The following FER variants were observed in gnomAD, a reference collection of about 807,000 sequenced individuals.
The protein encoded by FER is FER tyrosine kinase.
Under a neutral mutation model 111.0 loss-of-function variants are expected in FER, and 63 were observed. That is an observed-to-expected ratio of 0.57 (90% CI 0.46 to 0.70). FER has a LOEUF of 0.70. Ranked by LOEUF, FER falls within the 30% of genes least tolerant of loss-of-function variation. FER has a pLI of 0.00. For synonymous variants in FER, 327 were observed against 313.9 expected (o/e 1.04, Z -0.44); for missense variants, 914 against 954.0 (o/e 0.96, Z 0.55).
chr5:108,886,669 A>G (rs1311019160), intron 9 of FER, among the ~76,000 whole-genome samples: 3 of 151,608 alleles, frequency 2.0e-5, no homozygotes, highest in South Asian at 2.1e-4. Flanking sequence ...TTATGATTTT[A>G]ACAGCATTCT....
chr5:109,030,444 T>C (rs1226242750), intron 13 of FER, among the ~76,000 whole-genome samples: 1 of 152,222 alleles, frequency 6.6e-6, no homozygotes, highest in African/African-American at 2.4e-5. Flanking sequence ...TCTTTCATTT[T>C]TGCAGGTAGT....
At chr5:108,858,049 T>C (rs186844478) in intron 5 of FER, among the ~76,000 whole-genome samples, 1 of 152,182 alleles carries the variant, frequency 6.6e-6, no homozygotes, top group East Asian at 1.9e-4. Flanking sequence ...TTATTCTAGG[T>C]CCTGTTAATT....
At chr5:109,031,625 C>T (rs1262315681) in intron 13 of FER, among the ~76,000 whole-genome samples, 1 of 152,168 alleles carries the variant, frequency 6.6e-6, no homozygotes, top group Admixed American at 6.6e-5. Context: ...TTTCACTGAA[C>T]ATTACTCCCC....
chr5:109,128,046 A>G (rs149559710), intron 17 of FER, among the ~76,000 whole-genome samples: 1 of 152,186 alleles, frequency 6.6e-6, no homozygotes, highest in Admixed American at 6.5e-5. Flanking sequence ...CAGAAATTTT[A>G]TAAGTCTTTG....
chr5:109,051,278 A>G, intron 16 of FER: 1 of 1,347,988 alleles, frequency 7.4e-7, no homozygotes. Flanking sequence ...CTTCTCCACA[A>G]GTGAGAGGAA....
chr5:109,124,973 G>A (rs930561853), intron 17 of FER, among the ~76,000 whole-genome samples: 5 of 149,656 alleles, frequency 3.3e-5, no homozygotes, highest in Admixed American at 6.7e-5. Context: ...GTGAACCCAG[G>A]AGGCAGAGCT....
intron 10 of FER, among the ~76,000 whole-genome samples, chr5:108,910,981 C>A (rs1751468279): frequency 6.6e-6 from 1 of 151,554 alleles, no homozygotes; most frequent in Admixed American, 6.6e-5. Context: ...GATATAATAC[C>A]CAGTAGTGGG....
chr5:108,929,036 A>G (rs1344826155), intron 10 of FER, among the ~76,000 whole-genome samples: 1 of 152,146 alleles, frequency 6.6e-6, no homozygotes, highest in Non-Finnish European at 1.5e-5. Context: ...CATTGAATAT[A>G]TGATAAAAAT....
chr5:108,838,613 A>G (rs1472430561), intron 5 of FER, among the ~76,000 whole-genome samples: 1 of 152,196 alleles, frequency 6.6e-6, no homozygotes, highest in African/African-American at 2.4e-5. Flanking sequence ...CCCCTGCTGT[A>G]TAAATTAAAC....
At chr5:109,051,841 G>GT in intron 16 of FER, 1 of 1,595,626 alleles carries the variant, frequency 6.3e-7, no homozygotes, top group Non-Finnish European at 8.6e-7. Flanking sequence ...GATGAAGATG[G>GT]TTTTCTCCAT....
At chr5:109,094,958 G>A (rs1187515328) in intron 16 of FER, among the ~76,000 whole-genome samples, 1 of 152,106 alleles carries the variant, frequency 6.6e-6, no homozygotes, top group African/African-American at 2.4e-5. Context: ...ATCATGTCTG[G>A]CAAGAGTATA....
At chr5:108,915,864 G>A (rs1190765566) in intron 10 of FER, among the ~76,000 whole-genome samples, 1 of 152,066 alleles carries the variant, frequency 6.6e-6, no homozygotes, top group African/African-American at 2.4e-5. Flanking sequence ...AAACAAAAAG[G>A]GAGTAGGAAA....
intron 1 of FER, among the ~76,000 whole-genome samples, chr5:108,754,916 T>C (rs1424173263): frequency 6.6e-6 from 1 of 152,216 alleles, no homozygotes; most frequent in Non-Finnish European, 1.5e-5. Flanking sequence ...ACTCATCCTA[T>C]GTGGAAGTAC....
Position 109,030,413 on chromosome 5 carries a change from A to G in FER, c.1657-7009A>G, listed in dbSNP as rs1033228500. On this transcript the variant is annotated intron_variant, in intron 13 of 19. Coordinates refer to ENST00000281092, the MANE Select transcript of FER (RefSeq NM_005246.4). ...TAGACATATAATCTATTATGTTAGG[A>G]CATCTTGGGTCCCATTTAAATCTTT... Among the ~76,000 whole-genome samples, 3 of 152,296 alleles carry G rather than the reference A, an allele frequency of 2.0e-5. No individual in the cohort carries two copies. In the East Asian group the frequency reaches 5.8e-4, roughly 29 times the overall value.
chr5:108,923,880 TA>T (rs1002563747), intron 10 of FER, among the ~76,000 whole-genome samples: 3 of 151,732 alleles, frequency 2.0e-5, no homozygotes, highest in African/African-American at 2.4e-5. Flanking sequence ...CAATAAAAAA[TA>T]AAAAAAATTA....
intron 3 of FER, among the ~76,000 whole-genome samples, chr5:108,802,906 A>C (rs1451253065): frequency 1.3e-5 from 2 of 152,142 alleles, no homozygotes; most frequent in Non-Finnish European, 2.9e-5. Flanking sequence ...AATTTCTTTG[A>C]GAAATCTCTA....
chr5:108,825,575 G>A (rs1312557096), intron 3 of FER, among the ~76,000 whole-genome samples: 1 of 152,020 alleles, frequency 6.6e-6, no homozygotes, highest in Non-Finnish European at 1.5e-5. Context: ...TGTAGTTAAC[G>A]CAATTATTAC....
chr5:109,185,733 G>A (rs947427132), intron 18 of FER, among the ~76,000 whole-genome samples: 6 of 152,108 alleles, frequency 3.9e-5, no homozygotes, highest in Non-Finnish European at 8.8e-5. Context: ...TGTAAAACCA[G>A]TAAAGAGAAT....
At chr5:108,929,732 A>G (rs1246571937) in intron 10 of FER, among the ~76,000 whole-genome samples, 7 of 152,288 alleles carry the variant, frequency 4.6e-5, no homozygotes, top group Admixed American at 6.5e-5. Flanking sequence ...AAAATGTTCC[A>G]GAAATATGAC....
Sources: gnomAD v4.1 joint callset for allele counts (sites outside exome capture counted in the v4.1 genomes callset) on GRCh38, gnomAD v4.1.1 for gene constraint, MANE v1.5 for transcripts, NCBI Gene and HGNC (gene_info 2026-07-23, HGNC 2026-07-21) for gene names.